Variants in ARHGEF4 observed in about 807,000 individuals in gnomAD.
The protein encoded by ARHGEF4 is APC-stimulated guanine nucleotide exchange factor 1.
In ARHGEF4, 119 loss-of-function variants were observed where a neutral mutation model predicts 162.0. That is an observed-to-expected ratio of 0.73 (90% CI 0.63 to 0.86). The LOEUF is 0.86. ARHGEF4 is among the 40% of genes least tolerant of loss of function. The pLI is 0.00. For missense variants in ARHGEF4, 2,488 were observed against 2,456.0 expected, an observed-to-expected ratio of 1.01 and a Z score of -0.28; for synonymous variants, 1,014 against 979.9, an observed-to-expected ratio of 1.03 and a Z score of -0.65.
chr2:130,919,960 C>T (rs60759570), intron 2 of ARHGEF4, among the ~76,000 whole-genome samples: 8,646 of 152,140 alleles, frequency 0.057, 737 homozygotes, highest in African/African-American at 0.19. Flanking sequence ...GGTGCAGAAG[C>T]ACATACTGGA....
intron 10 of ARHGEF4, 104 bp downstream of exon 10, chr2:131,042,048 C>G: frequency 6.9e-7 from 1 of 1,444,366 alleles, no homozygotes; most frequent in Non-Finnish European, 9.2e-7. Flanking sequence ...CAGGGAGCTG[C>G]GCTCCTGGGA....
intron 1 of ARHGEF4, among the ~76,000 whole-genome samples, chr2:130,854,753 A>G (rs916215974): frequency 1.4e-4 from 21 of 152,174 alleles, no homozygotes; most frequent in Non-Finnish European, 1.5e-5. Flanking sequence ...GTCATCAGGA[A>G]AAGCAGGCCC....
At position 131,043,468 on chromosome 2, in the gene ARHGEF4, T is replaced by C; in HGVS notation, c.5042T>C (p.Val1681Ala). 1 of 1,613,976 alleles carries C rather than the reference T, an allele frequency of 6.2e-7. No individual in the cohort carries two copies. Among genetic ancestry groups the C allele is most frequent in the Non-Finnish European group, 8.5e-7 (1 of 1,180,000 alleles). The change falls in exon 11 of 14, where the codon GTC (valine) becomes GCC (alanine). Residue 1681 changes from valine to alanine, a missense_variant. Val to Ala is a moderately conservative substitution (Grantham distance 64). This residue lies in a region of ARHGEF4 where 415 missense variants were observed against 512.4 expected (regional missense o/e 0.81). Coordinates refer to ENST00000409359, the MANE Select transcript of ARHGEF4 (RefSeq NM_001367493.1). The stretch of plus-strand genomic sequence containing the variant: ...TCTTCCCAGGGAGAAGATCTCTTGG[T>C]CAGGAGCTCAGAACTCATCTACTCG... ...IEDWEGEDLL[V>A]RSSELIYSGE...
intron 1 of ARHGEF4, among the ~76,000 whole-genome samples, chr2:130,849,749 G>A (rs1681266655): frequency 6.6e-6 from 1 of 151,916 alleles, no homozygotes; most frequent in Non-Finnish European, 1.5e-5. Context: ...TGTATTTTTA[G>A]TAGAGACAGT....
At chr2:130,970,072 G>C (rs1685259806) in intron 4 of ARHGEF4, among the ~76,000 whole-genome samples, 1 of 152,062 alleles carries the variant, frequency 6.6e-6, no homozygotes, top group Non-Finnish European at 1.5e-5. Flanking sequence ...CTACTTTTAG[G>C]GTGTTACAAA....
chr2:130,991,985 G>C (rs1687019782), intron 4 of ARHGEF4, among the ~76,000 whole-genome samples: 1 of 152,190 alleles, frequency 6.6e-6, no homozygotes, highest in South Asian at 2.1e-4. Flanking sequence ...TCTGTATCTA[G>C]CTCAAGGTTT....
chr2:130,915,939 G>A lies in ARHGEF4; in HGVS notation c.1993G>A (p.Glu665Lys). 1 of 1,550,614 alleles carries A rather than the reference G, an allele frequency of 6.4e-7. No individual in the cohort carries two copies. The highest frequency in any genetic ancestry group is 8.7e-7 in the Non-Finnish European group (1 of 1,146,994). Residue 665 changes from glutamate (E) to lysine (K), a missense_variant, in exon 2 of 14, where the codon GAA becomes AAA. By Grantham distance (56) the Glu-to-Lys change is moderately conservative. Transcript: ENST00000409359. ...LPRDFPKERP[E>K]SPLSTGETPC... is the part of the protein sequence containing the mutation. ...CCGTGACTTTCCTAAGGAAAGACCA[G>A]AATCTCCCTTGAGCACTGGCGAGAC...
At chr2:131,027,218 G>T (rs1689538740) in intron 4 of ARHGEF4, among the ~76,000 whole-genome samples, 1 of 152,214 alleles carries the variant, frequency 6.6e-6, no homozygotes, top group Non-Finnish European at 1.5e-5. Flanking sequence ...AGACTGTGTG[G>T]CAGTGAAAAT....
In ARHGEF4 at chr2:130,979,946, C is replaced by T. The variant is rs1442536301; in HGVS notation, c.3985+33311C>T. Among the ~76,000 whole-genome samples, 3 of 152,084 alleles carry T rather than the reference C, an allele frequency of 2.0e-5. No individual in the cohort carries two copies. In the East Asian group the frequency reaches 5.8e-4, roughly 29 times the overall value. Reference sequence around the variant, plus strand: ...TAAGACCTAATACTTAACTATCATTCTCTCTAACATGTTACAAATTAAAAC... The same window carrying T: ...TAAGACCTAATACTTAACTATCATTTTCTCTAACATGTTACAAATTAAAAC... On this transcript the variant is annotated intron_variant, in intron 4 of 13. Coordinates refer to ENST00000409359, the MANE Select transcript of ARHGEF4 (RefSeq NM_001367493.1).
At chr2:130,886,040 T>C (rs1463597075) in intron 1 of ARHGEF4, among the ~76,000 whole-genome samples, 4 of 152,020 alleles carry the variant, frequency 2.6e-5, no homozygotes, top group East Asian at 1.9e-4. Flanking sequence ...TGTGATCACA[T>C]GTTTAATTTT....
rs138695820 is a variant in ARHGEF4, at chr2:131,040,126, C to T, written c.4416C>T (p.Thr1472=). Residue 1472 remains threonine (T), a synonymous_variant, in exon 7 of 14, where the codon ACC becomes ACT. Coordinates refer to ENST00000409359, the MANE Select transcript of ARHGEF4 (RefSeq NM_001367493.1). ...AGAGCAGCAAGGACCAGATGCGGAC[C>T]AACGTCATCAACGAGATCCTCAGCA... The part of the protein sequence containing the change: ...EAQSSKDQMR[T]NVINEILSTE... 1.9e-6 allele frequency: 3 copies of T among 1,613,114 alleles called. No individual in the cohort carries two copies. The highest frequency in any genetic ancestry group is 1.3e-5 in the African/African-American group (1 of 74,910).
rs932136310 is a variant in ARHGEF4, at chr2:130,889,743, C to T, written c.40-24243C>T. Among the ~76,000 whole-genome samples, 13 of 136,692 alleles carry T rather than the reference C, an allele frequency of 9.5e-5. 1 individual carries two copies. The highest frequency in any genetic ancestry group is 3.0e-4 in the African/African-American group (11 of 36,098). The allele number at this position is 136,692 out of a possible 152,430, so 89.7% of individuals were successfully genotyped here. On this transcript the variant is annotated intron_variant, in intron 1 of 13. Transcript: ENST00000409359. ...AGGAGAATCACTTGAACCTGGGAGG[C>T]GGAGGTTGCAGTGAGCCAAGATCGA...
At chr2:130,937,333 A>G in intron 3 of ARHGEF4, among the ~76,000 whole-genome samples, 1 of 152,076 alleles carries the variant, frequency 6.6e-6, no homozygotes, top group East Asian at 1.9e-4. Flanking sequence ...GCTTTCCTTC[A>G]TATTGGAAAA....
chr2:130,938,399 A>G (rs910205928), intron 3 of ARHGEF4, among the ~76,000 whole-genome samples: 3 of 152,134 alleles, frequency 2.0e-5, no homozygotes, highest in Non-Finnish European at 2.9e-5. Context: ...TCATTTTGGA[A>G]ATGGTTGGGT....
intron 4 of ARHGEF4, among the ~76,000 whole-genome samples, chr2:131,018,646 G>A (rs1267858806): frequency 6.6e-6 from 1 of 152,004 alleles, no homozygotes; most frequent in Non-Finnish European, 1.5e-5. Context: ...CTGTGCTTTT[G>A]GTCTTATATC....
chr2:130,926,040 C>CTTTT (rs1491553635), intron 2 of ARHGEF4, among the ~76,000 whole-genome samples: 2 of 109,908 alleles, frequency 1.8e-5, no homozygotes, highest in African/African-American at 5.3e-5. Context: ...TTCTTTCTTT[C>CTTTT]TTTCTTTCTC....
chr2:131,011,672 TG>T, intron 4 of ARHGEF4: 2 of 1,534,528 alleles, frequency 1.3e-6, no homozygotes, highest in Non-Finnish European at 1.7e-6. Flanking sequence ...TCGGAGCTGA[TG>T]GGGGTGGGGT....
intron 1 of ARHGEF4, among the ~76,000 whole-genome samples, chr2:130,876,682 G>A (rs772493709): frequency 5.9e-4 from 89 of 152,116 alleles, no homozygotes; most frequent in Non-Finnish European, 1.1e-3. Context: ...TTGAGCCACC[G>A]CGCCCAGCCA....
Position 131,040,041 on chromosome 2 carries a change from C to T in ARHGEF4, c.4331C>T (p.Ala1444Val), listed in dbSNP as rs962656224. The stretch of plus-strand genomic sequence containing the variant: ...CTGAGGGTGAATCAGGACGAGCCCG[C>T]GGATGACGACGCCCCTCTGGCCGGG... ...VRLRVNQDEP[A>V]DDDAPLAGNS... Residue 1444 changes from alanine to valine, a missense_variant, in exon 7 of 14, where the codon GCG becomes GTG. Physicochemically the swap from Ala to Val is moderately conservative, Grantham distance 64 (BLOSUM62 0). Coordinates refer to ENST00000409359, the MANE Select transcript of ARHGEF4 (RefSeq NM_001367493.1). The T allele has an allele frequency of 1.3e-5, 20 of 1,572,894 alleles. No homozygotes were observed. Among genetic ancestry groups the T allele is most frequent in the Non-Finnish European group, 1.4e-5 (16 of 1,160,484 alleles).
Sources: gnomAD v4.1 joint callset for allele counts (sites outside exome capture counted in the v4.1 genomes callset) on GRCh38, gnomAD v4.1.1 for gene constraint, gnomAD v4.1.1 regional missense constraint, MANE v1.5 for transcripts, NCBI Gene and HGNC (gene_info 2026-07-23, HGNC 2026-07-21) for gene names.